Variants in STON1 observed in about 807,000 individuals in gnomAD.
The protein encoded by STON1 is stonin 1.
STON1 carries 79 observed loss-of-function variants against 60.9 expected under a neutral mutation model. That is an observed-to-expected ratio of 1.30 (90% CI 1.08 to 1.56). The LOEUF is 1.56. STON1 is among the 40% of genes most tolerant of loss of function. The pLI, the probability that STON1 is intolerant of heterozygous loss-of-function variation, is 0.00. For missense variants in STON1, 1,166 were observed against 858.9 expected, an observed-to-expected ratio of 1.36 and a Z score of -4.47; for synonymous variants, 363 against 306.9, an observed-to-expected ratio of 1.18 and a Z score of -1.91.
rs1380799912 is a variant in STON1 at position 48,581,078 on chromosome 2, G to T, written c.445G>T (p.Val149Leu). The T allele has an allele frequency of 6.2e-7, 1 of 1,600,668 alleles. No individual in the cohort carries two copies. Among genetic ancestry groups the T allele is most frequent in the East Asian group, 2.2e-5 (1 of 44,836 alleles). ...DHSCTHPTPK[V>L]GLPDEVNPQQ... is the part of the protein sequence containing the mutation. Reference sequence around the variant, plus strand: ...CTCATGTACACATCCAACTCCCAAAGTAGGTCTTCCAGATGAAGTTAATCC... The same window carrying T: ...CTCATGTACACATCCAACTCCCAAATTAGGTCTTCCAGATGAAGTTAATCC... The change falls in exon 2 of 4, where the codon GTA (valine) becomes TTA (leucine). Residue 149 changes from valine to leucine, a missense_variant. Transcript: ENST00000404752.
intron 1 of STON1, among the ~76,000 whole-genome samples, chr2:48,560,853 C>T (rs1416052560): frequency 1.3e-5 from 2 of 152,178 alleles, no homozygotes; most frequent in Non-Finnish European, 2.9e-5. Context: ...AGCCTAGCCT[C>T]CTTGAAATTG....
At chr2:48,542,778 C>T (rs1324299448) in intron 1 of STON1, among the ~76,000 whole-genome samples, 3 of 152,004 alleles carry the variant, frequency 2.0e-5, no homozygotes, top group East Asian at 1.9e-4. Flanking sequence ...GTGGCACATG[C>T]GTGTAATCCC....
intron 1 of STON1, among the ~76,000 whole-genome samples, chr2:48,532,901 G>A (rs1558559908): frequency 6.6e-6 from 1 of 152,112 alleles, no homozygotes; most frequent in Non-Finnish European, 1.5e-5. Context: ...AGGCAGAGGT[G>A]GTTAAGAAGC....
At chr2:48,531,550 G>A (rs764531887) in intron 1 of STON1, 5 of 152,268 alleles carry the variant, frequency 3.3e-5, no homozygotes, top group African/African-American at 7.2e-5. Context: ...TTCTCGGATG[G>A]GTCTGGACAG....
chr2:48,575,972 G>T (rs541839804), intron 1 of STON1, among the ~76,000 whole-genome samples: 2 of 151,328 alleles, frequency 1.3e-5, no homozygotes, highest in African/African-American at 2.4e-5. Flanking sequence ...TGGCTAGGCT[G>T]GTCTTGAACT....
chr2:48,562,471 T>C (rs1672652736), intron 1 of STON1, among the ~76,000 whole-genome samples: 1 of 152,220 alleles, frequency 6.6e-6, no homozygotes, highest in Non-Finnish European at 1.5e-5. Flanking sequence ...TTGTTTAAAG[T>C]GCCTACTATG....
intron 1 of STON1, among the ~76,000 whole-genome samples, chr2:48,535,682 C>T (rs991392488): frequency 6.6e-6 from 1 of 152,102 alleles, no homozygotes; most frequent in Non-Finnish European, 1.5e-5. Context: ...TTATAATCTG[C>T]CTTCTCCCTG....
chr2:48,587,450 G>A (rs769120499), intron 2 of STON1, among the ~76,000 whole-genome samples: 12 of 152,182 alleles, frequency 7.9e-5, no homozygotes, highest in South Asian at 4.2e-4. Flanking sequence ...GCACCACCAC[G>A]CCTGGCTAAT....
chr2:48,571,197 C>G (rs1673193056), intron 1 of STON1, among the ~76,000 whole-genome samples: 1 of 152,104 alleles, frequency 6.6e-6, no homozygotes, highest in Non-Finnish European at 1.5e-5. Context: ...TAGGAGTTTG[C>G]AGGGTATTCC....
Position 48,544,492 on chromosome 2 carries a change from A to T in STON1, c.-48+14276A>T, listed in dbSNP as rs535730670. ...AGCTTATGGTAACTCATATTCAGGG[A>T]CAGTTTGGAGGGATGATAAGGCCAT... On this transcript the variant is annotated intron_variant, in intron 1 of 3. Coordinates refer to ENST00000404752, the MANE Select transcript of STON1 (RefSeq NM_006873.4). Among the ~76,000 whole-genome samples, 161 of 152,242 alleles carry T rather than the reference A, an allele frequency of 1.1e-3. 1 individual carries two copies. Among genetic ancestry groups the T allele is most frequent in the Middle Eastern group, 3.4e-3 (1 of 294 alleles).
chr2:48,576,047 C>T (rs111403319), intron 1 of STON1, among the ~76,000 whole-genome samples: 10,004 of 150,658 alleles, frequency 0.066, 470 homozygotes, highest in Non-Finnish European at 0.1. Context: ...TGTGAGCCAC[C>T]GCACCTGGCC....
chr2:48,580,878 C>T lies in STON1; in HGVS notation c.245C>T (p.Ser82Phe), dbSNP rs367947866. ...GGACCTCCAAGTAACTCTCCTCTTT[C>T]TACACCTACCAAAGACTTCCCAGGT... ...SPGPPSNSPL[S>F]TPTKDFPGFP... is the part of the protein sequence containing the mutation. Residue 82 changes from serine to phenylalanine, a missense_variant, in exon 2 of 4, where the codon TCT becomes TTT. Transcript: ENST00000404752. 17 of 1,585,472 alleles carry T rather than the reference C, an allele frequency of 1.1e-5. No homozygotes were observed. Among genetic ancestry groups the T allele is most frequent in the Non-Finnish European group, 1.4e-5 (16 of 1,168,410 alleles).
At chr2:48,540,444 G>T (rs923464563) in intron 1 of STON1, among the ~76,000 whole-genome samples, 2 of 152,138 alleles carry the variant, frequency 1.3e-5, no homozygotes, top group African/African-American at 4.8e-5. Flanking sequence ...TGCTGACATT[G>T]TGAAGCTTCC....
At chr2:48,561,914 G>A (rs558311349) in intron 1 of STON1, among the ~76,000 whole-genome samples, 3 of 152,160 alleles carry the variant, frequency 2.0e-5, no homozygotes, top group Non-Finnish European at 2.9e-5. Flanking sequence ...AGGCTGGAGT[G>A]CAGTGGTGCA....
At chr2:48,580,385 T>C (rs1224095109) in intron 1 of STON1, among the ~76,000 whole-genome samples, 1 of 152,190 alleles carries the variant, frequency 6.6e-6, no homozygotes, top group Admixed American at 6.5e-5. Flanking sequence ...TTTCATCCTT[T>C]CACTTTCAGC....
At position 48,564,480 on chromosome 2, in the gene STON1, T is replaced by TTCTTCTTCTTCTTCTTC. The variant is rs1558604783; in HGVS notation, c.-47-16106_-47-16105insCTTCTTCTTCTTCTTCT. Among the ~76,000 whole-genome samples the TTCTTCTTCTTCTTCTTC allele has an allele frequency of 6.8e-4, 22 of 32,494 alleles. 2 individuals are homozygous for TTCTTCTTCTTCTTCTTC. The highest frequency in any genetic ancestry group is 2.3e-3 in the African/African-American group (20 of 8,682). The allele number at this position is 32,494 out of a possible 152,430, so 21.3% of individuals were successfully genotyped here. A position where few individuals can be genotyped will look rare whatever the true frequency, so the allele number is the denominator to read the frequency against. On this transcript the variant is annotated intron_variant, in intron 1 of 3. Coordinates refer to ENST00000404752, the MANE Select transcript of STON1 (RefSeq NM_006873.4). Reference sequence around the variant, plus strand: ...CTTCTTCTTCTTCTTCTTCTTCTTCTTTCTTCTTCTTCTTCTTCTTCTTCT... The same window carrying TTCTTCTTCTTCTTCTTC: ...CTTCTTCTTCTTCTTCTTCTTCTTCTTCTTCTTCTTCTTCTTCTTCTTCTTCTTCTTCTTCTTCTTCT...
chr2:48,585,673 T>A (rs1189653996), intron 2 of STON1, among the ~76,000 whole-genome samples: 2 of 152,258 alleles, frequency 1.3e-5, no homozygotes, highest in African/African-American at 4.8e-5. Flanking sequence ...TTACTTGTGC[T>A]AGTTTTAGGT....
At chr2:48,534,789 G>C (rs1266784281) in intron 1 of STON1, among the ~76,000 whole-genome samples, 2 of 152,124 alleles carry the variant, frequency 1.3e-5, no homozygotes, top group African/African-American at 2.4e-5. Flanking sequence ...CTCCTAAGAG[G>C]GGGTGAGGAG....
At chr2:48,538,763 ATTTTTTTTTTT>A (rs34052598) in intron 1 of STON1, among the ~76,000 whole-genome samples, 2 of 86,366 alleles carry the variant, frequency 2.3e-5, no homozygotes, top group East Asian at 3.6e-4. Flanking sequence ...ACACCCAGCT[ATTTTTTTTTTT>A]TTTTTTTTTT....
Sources: gnomAD v4.1 joint callset for allele counts (sites outside exome capture counted in the v4.1 genomes callset) on GRCh38, gnomAD v4.1.1 for gene constraint, MANE v1.5 for transcripts, NCBI Gene and HGNC (gene_info 2026-07-23, HGNC 2026-07-21) for gene names.